The following TNXB variants were observed in gnomAD, a reference collection of about 807,000 sequenced individuals.
TNXB encodes tenascin-X.
In TNXB, 183 loss-of-function variants were observed where a neutral mutation model predicts 340.5. That is an observed-to-expected ratio of 0.54 (90% CI 0.48 to 0.61). TNXB has a LOEUF of 0.61. TNXB is among the 20% of genes least tolerant of loss of function. TNXB has a pLI of 0.00. For synonymous variants in TNXB, 2,121 were observed against 2,314.5 expected (o/e 0.92, Z 2.40); for missense variants, 4,613 against 5,446.4 (o/e 0.85, Z 4.82).
At position 32,078,184 on chromosome 6, in the gene TNXB, C is replaced by T. The variant is rs766937087; in HGVS notation, c.4375+849G>A. Reference sequence around the variant, plus strand: ...CTTTGTGGTCAGGCGTGGTGGCTCACGCCTGTAATACCAGAACTTTGGGAG... The same window carrying T: ...CTTTGTGGTCAGGCGTGGTGGCTCATGCCTGTAATACCAGAACTTTGGGAG... On this transcript the variant is annotated intron_variant, in intron 11 of 43. Transcript: ENST00000644971. Among the ~76,000 whole-genome samples the T allele has an allele frequency of 1.6e-4, 25 of 151,846 alleles. No individual in the cohort carries two copies. In the East Asian group the frequency reaches 2.1e-3, roughly 13 times the overall value.
intron 13 of TNXB, among the ~76,000 whole-genome samples, chr6:32,071,710 C>T (rs1272312301): frequency 1.3e-5 from 2 of 151,908 alleles, no homozygotes; most frequent in East Asian, 1.9e-4. Flanking sequence ...CTCAGACTCC[C>T]GAGTAGCTGG....
chr6:32,101,029 G>C lies in TNXB; in HGVS notation c.-8-2823C>G, dbSNP rs142864165. On this transcript the variant is annotated intron_variant, in intron 1 of 43. Transcript: ENST00000644971. ...GGAGGCGGAGGTTGCAGTGAGCTGA[G>C]ATCATGCCACTTCACTTCAGCCTGA... Among the ~76,000 whole-genome samples the C allele has an allele frequency of 8.7e-3, 1,042 of 120,124 alleles. 17 individuals are homozygous for C. Among genetic ancestry groups the C allele is most frequent in the African/African-American group, 0.031 (988 of 31,436 alleles). The allele number at this position is 120,124 out of a possible 152,430, so 78.8% of individuals were successfully genotyped here.
Position 32,084,850 on chromosome 6 carries a change from C to G in TNXB, c.3149-141G>C. On this transcript the variant is annotated intron_variant, in intron 7 of 43. Coordinates refer to ENST00000644971, the MANE Select transcript of TNXB (RefSeq NM_001365276.2). This position sits in a 1 kb window ranked among gnomAD's most constrained non-coding sequence, Gnocchi z 5.5. ...ACTCTATCTGCCCACCCCTCAGTGA[C>G]TAGCTCTTCTGGAAGAGGGGCATTT... 1 of 664,128 alleles carries G rather than the reference C, an allele frequency of 1.5e-6. No homozygotes were observed. Among genetic ancestry groups the G allele is most frequent in the Non-Finnish European group, 2.3e-6 (1 of 427,722 alleles). 41.1% of individuals were successfully genotyped at this position (664,128 alleles called of 1,614,324 possible). A position where few individuals can be genotyped will look rare whatever the true frequency, so the allele number is the denominator to read the frequency against.
chr6:32,055,751 G>C (rs1167558931), intron 24 of TNXB, 100 bp downstream of exon 24: 4 of 1,487,268 alleles, frequency 2.7e-6, no homozygotes, highest in Admixed American at 4.4e-5. Flanking sequence ...GCATGGAAAC[G>C]TGCAAAAGAA....
Position 32,048,415 on chromosome 6 carries a change from A to C in TNXB, c.9993T>G (p.Phe3331Leu). Residue 3331 changes from phenylalanine to leucine, a missense_variant, in exon 29 of 44, where the codon TTT (phenylalanine) becomes TTG (leucine). By Grantham distance (22) the Phe-to-Leu change is conservative (BLOSUM62 0). This residue lies in a region of TNXB where 4,327 missense variants were observed against 4,859.4 expected (regional missense o/e 0.89). Coordinates refer to ENST00000644971, the MANE Select transcript of TNXB (RefSeq NM_001365276.2). ...DPARKYKFLL[F>L]GLQNGKRHGP... ...CGTGGCGTTTCCCATTCTGGAGTCCAAAGAGCAGGAACTTGTACTTGCGGG... is the reference window on the plus strand; with the variant it reads ...CGTGGCGTTTCCCATTCTGGAGTCCCAAGAGCAGGAACTTGTACTTGCGGG... 1 of 1,546,440 alleles carries C rather than the reference A, an allele frequency of 6.5e-7. No homozygotes were observed. The highest frequency in any genetic ancestry group is 8.8e-7 in the Non-Finnish European group (1 of 1,141,150).
At position 32,061,036 on chromosome 6, in the gene TNXB, A is replaced by G. The variant is rs1303659735; in HGVS notation, c.7492+361T>C. On this transcript the variant is annotated intron_variant, in intron 21 of 43. Transcript: ENST00000644971. This position sits in a 1 kb window ranked among gnomAD's most constrained non-coding sequence, Gnocchi z 4.4. Reference sequence around the variant, plus strand: ...AGCTCTTTTTATAGATGTTGCCTAAATTATTTAGTCATCCCAACGTGGTTT... The same window carrying G: ...AGCTCTTTTTATAGATGTTGCCTAAGTTATTTAGTCATCCCAACGTGGTTT... Among the ~76,000 whole-genome samples the G allele has an allele frequency of 6.6e-6, 1 of 151,916 alleles. No individual in the cohort carries two copies. The highest frequency in any genetic ancestry group is 1.5e-5 in the Non-Finnish European group (1 of 68,036).
At chr6:32,078,047 A>AAGAG (rs1243925573) in intron 11 of TNXB, among the ~76,000 whole-genome samples, 2 of 147,648 alleles carry the variant, frequency 1.4e-5, no homozygotes, top group Non-Finnish European at 3.0e-5. Flanking sequence ...AAAAGAAAGA[A>AAGAG]AGAGAGAGAG....
At position 32,062,440 on chromosome 6, in the gene TNXB, A is replaced by C. The variant is rs778039067; in HGVS notation, c.6885T>G (p.Pro2295=). 1 of 1,611,518 alleles carries C rather than the reference A, an allele frequency of 6.2e-7. No homozygotes were observed. Among genetic ancestry groups the C allele is most frequent in the Admixed American group, 1.7e-5 (1 of 59,940 alleles). ...DEEMAPASTE[P]PTPEPPIKPR... ...GCTTGATGGGGGGTTCAGGGGTGGG[A>C]GGTTCTGTCGAGGCTGGGGCCATTT... is the stretch of plus-strand genomic sequence containing the variant. Residue 2295 remains proline, a synonymous_variant, in exon 20 of 44, where the codon CCT becomes CCG. Coordinates refer to ENST00000644971, the MANE Select transcript of TNXB (RefSeq NM_001365276.2). The surrounding 1 kb of genome is among the most constrained non-coding windows in gnomAD (Gnocchi z 4.3).
chr6:32,071,633 TG>T (rs1778780623), intron 13 of TNXB, among the ~76,000 whole-genome samples: 1 of 150,652 alleles, frequency 6.6e-6, no homozygotes, highest in African/African-American at 2.4e-5. Flanking sequence ...TCACCCAGGC[TG>T]GAGTGCAGTG....
Position 32,069,254 on chromosome 6 carries a change from T to C in TNXB, c.5588-118A>G. On this transcript the variant is annotated intron_variant, in intron 15 of 43. Transcript: ENST00000644971. The surrounding 1 kb of genome is among the most constrained non-coding windows in gnomAD (Gnocchi z 6.2). ...GCAGTCAGCAATCGAAAGACCAGCT[T>C]TTGCTGCACATGGGTGAATTTCAAA... 1 of 1,032,596 alleles carries C rather than the reference T, an allele frequency of 9.7e-7. No individual in the cohort carries two copies. Among genetic ancestry groups the C allele is most frequent in the African/African-American group, 1.6e-5 (1 of 62,408 alleles). 64.0% of individuals were successfully genotyped at this position (1,032,596 alleles called of 1,614,324 possible).
At chr6:32,050,346 T>C (rs928306943) in intron 26 of TNXB, 25 bp from the exon 27 acceptor site, 1 of 1,606,416 alleles carries the variant, frequency 6.2e-7, no homozygotes, top group Non-Finnish European at 8.5e-7. Flanking sequence ...GTGGGGACAG[T>C]GAGGACCCTG....
Position 32,061,701 on chromosome 6 carries a change from G to A in TNXB, c.7188C>T (p.Pro2396=). Residue 2396 remains proline, a synonymous_variant, in exon 21 of 44, where the codon CCC becomes CCT. Coordinates refer to ENST00000644971, the MANE Select transcript of TNXB (RefSeq NM_001365276.2). The surrounding 1 kb of genome is among the most constrained non-coding windows in gnomAD (Gnocchi z 4.4). ...IGVTAAEEET[P]SPTEPSMEAP... is the part of the protein sequence containing the mutation. The stretch of plus-strand genomic sequence containing the variant: ...CCTCCATGCTGGGTTCTGTGGGGCT[G>A]GGGGTCTCTTCCTCTGCAGCTGAGA... 6.2e-7 allele frequency: 1 copy of A among 1,611,708 alleles called. No homozygotes were observed. Among genetic ancestry groups the A allele is most frequent in the Non-Finnish European group, 8.5e-7 (1 of 1,179,046 alleles).
chr6:32,070,933 G>A lies in TNXB; in HGVS notation c.4991-519C>T, dbSNP rs370744227. 1.6e-4 allele frequency among the ~76,000 whole-genome samples: 24 copies of A among 152,296 alleles called. No individual in the cohort carries two copies. Among genetic ancestry groups the A allele is most frequent in the African/African-American group, 3.4e-4 (14 of 41,566 alleles). ...TTTCTTATTCTGCACCGGCTGGCCC[G>A]GGAGAACTAAGGCTCCCACTGGGCC... is the stretch of plus-strand genomic sequence containing the variant. On this transcript the variant is annotated intron_variant, in intron 13 of 43. Transcript: ENST00000644971. This position sits in a 1 kb window ranked among gnomAD's most constrained non-coding sequence, Gnocchi z 6.0.
rs186537050 is a variant in TNXB at position 32,100,328 on chromosome 6, C to T, written c.-8-2122G>A. ...CTATGTTGGCCAGGCTGGTCTCAAA[C>T]TCCTGAACTCAGGCAATCCGCCCGC... On this transcript the variant is annotated intron_variant, in intron 1 of 43. Transcript: ENST00000644971. Among the ~76,000 whole-genome samples, 1,452 of 152,184 alleles carry T rather than the reference C, an allele frequency of 9.5e-3. 24 individuals are homozygous for T. The highest frequency in any genetic ancestry group is 0.033 in the African/African-American group (1,385 of 41,536).
At position 32,048,402 on chromosome 6, in the gene TNXB, C is replaced by A. The variant is rs1032893435; in HGVS notation, c.10006G>T (p.Gly3336Trp). The A allele has an allele frequency of 1.3e-6, 2 of 1,532,782 alleles. No homozygotes were observed. The highest frequency in any genetic ancestry group is 2.7e-5 in the African/African-American group (2 of 73,264). 94.9% of individuals were successfully genotyped at this position (1,532,782 alleles called of 1,614,324 possible). The change falls in exon 29 of 44, where the codon GGG (glycine) becomes TGG (tryptophan). Residue 3336 changes from glycine to tryptophan, a missense_variant. By Grantham distance (184) the Gly-to-Trp change is radical. Transcript: ENST00000644971. ...ACAGGGACTGGGCCGTGGCGTTTCCCATTCTGGAGTCCAAAGAGCAGGAAC... is the reference window on the plus strand; with the variant it reads ...ACAGGGACTGGGCCGTGGCGTTTCCAATTCTGGAGTCCAAAGAGCAGGAAC... The part of the protein sequence containing the change: ...YKFLLFGLQN[G>W]KRHGPVPVEA...
chr6:32,055,767 G>C (rs1777583709), intron 24 of TNXB, 84 bp downstream of exon 24: 3 of 1,530,670 alleles, frequency 2.0e-6, no homozygotes, highest in African/African-American at 1.4e-5. Flanking sequence ...AAGAAGCCCG[G>C]CTGGTGAGAA....
At chr6:32,103,173 T>C (rs1780808637) in intron 1 of TNXB, among the ~76,000 whole-genome samples, 1 of 151,940 alleles carries the variant, frequency 6.6e-6, no homozygotes, top group Non-Finnish European at 1.5e-5. Context: ...GTAATCTCAG[T>C]ACTTTGGGAG....
rs1778259937 is a variant in TNXB at position 32,065,062 on chromosome 6, C to G, written c.6600G>C (p.Met2200Ile). Residue 2200 changes from methionine (M) to isoleucine (I), a missense_variant, in exon 19 of 44, where the codon ATG (methionine) becomes ATC (isoleucine). Coordinates refer to ENST00000644971, the MANE Select transcript of TNXB (RefSeq NM_001365276.2). The stretch of plus-strand genomic sequence containing the variant: ...AGTCGGAGGTGATGTCTCTCACTGT[C>G]ATCTGCCCTAGGCGCAGCTTTGCAA... ...APLAKLRLGQ[M>I]TVRDITSDSL... 6.2e-7 allele frequency: 1 copy of G among 1,603,318 alleles called. No homozygotes were observed. Among genetic ancestry groups the G allele is most frequent in the East Asian group, 2.2e-5 (1 of 44,710 alleles).
In TNXB at chr6:32,052,759, C is replaced by G. The variant is rs1420007975; in HGVS notation, c.9026G>C (p.Gly3009Ala). 6.2e-7 allele frequency: 1 copy of G among 1,613,682 alleles called. No homozygotes were observed. The highest frequency in any genetic ancestry group is 8.5e-7 in the Non-Finnish European group (1 of 1,179,876). ...CTTGTATTTGCACCCGGGCTCCAGG[C>G]CCCCCACGGTGACCTCGCTCTCCTC... ...RGEESEVTVG[G>A]LEPGCKYKMH... The change falls in exon 26 of 44, where the codon GGC (glycine) becomes GCC (alanine). Residue 3009 changes from glycine to alanine, a missense_variant. This residue lies in a region of TNXB where 4,327 missense variants were observed against 4,859.4 expected (regional missense o/e 0.89). Coordinates refer to ENST00000644971, the MANE Select transcript of TNXB (RefSeq NM_001365276.2). The surrounding 1 kb of genome is among the most constrained non-coding windows in gnomAD (Gnocchi z 4.7).
Sources: allele counts gnomAD v4.1 joint callset (sites outside exome capture counted in the v4.1 genomes callset), GRCh38; gene constraint gnomAD v4.1.1; regional missense constraint gnomAD v4.1.1; non-coding constraint Gnocchi (gnomAD v3.1); transcripts MANE v1.5; gene names NCBI Gene and HGNC (gene_info 2026-07-23, HGNC 2026-07-21).